KIAA1549L: variants seen among roughly 807,000 people sequenced by gnomAD.
KIAA1549L encodes KIAA1549 like, also known as UPF0606 protein KIAA1549L.
In KIAA1549L, 88 loss-of-function variants were observed where a neutral mutation model predicts 160.7. That is an observed-to-expected ratio of 0.55 (90% CI 0.46 to 0.65). The LOEUF is 0.65. Among genes scored for constraint, KIAA1549L ranks in the 30% least tolerant of loss-of-function variants. The probability of loss-of-function intolerance (pLI) is 0.00; values close to 1 mark genes in which losing one functional copy is unlikely to be tolerated. For synonymous variants in KIAA1549L, 950 were observed against 976.7 expected (o/e 0.97, Z 0.51); for missense variants, 2,258 against 2,437.5 (o/e 0.93, Z 1.55).
At chr11:33,522,768 G>T (rs866107725) in intron 1 of KIAA1549L, among the ~76,000 whole-genome samples, 1 of 152,074 alleles carries the variant, frequency 6.6e-6, no homozygotes, top group South Asian at 2.1e-4. Context: ...GCCTGGTGGC[G>T]TATGTCTGTA....
chr11:33,664,291 C>T (rs2133454533), intron 20 of KIAA1549L, among the ~76,000 whole-genome samples: 1 of 152,300 alleles, frequency 6.6e-6, no homozygotes, highest in African/African-American at 2.4e-5. Context: ...AGTGGGTCCA[C>T]CTCCAGGTGT....
intron 1 of KIAA1549L, among the ~76,000 whole-genome samples, chr11:33,427,489 A>G (rs1038564869): frequency 9.2e-5 from 14 of 152,020 alleles, no homozygotes; most frequent in African/African-American, 3.4e-4. Flanking sequence ...TCCCTTGGCC[A>G]TGCATCCCCC....
chr11:33,616,419 T>C (rs1167448774), intron 15 of KIAA1549L, among the ~76,000 whole-genome samples: 1 of 152,174 alleles, frequency 6.6e-6, no homozygotes, highest in African/African-American at 2.4e-5. Flanking sequence ...CCCATCACTG[T>C]GGCCATGGGG....
At chr11:33,596,942 A>T (rs1367129323) in intron 12 of KIAA1549L, among the ~76,000 whole-genome samples, 2 of 152,234 alleles carry the variant, frequency 1.3e-5, no homozygotes, top group African/African-American at 4.8e-5. Context: ...CCCAGCACTC[A>T]GCAATCAAAT....
Position 33,376,725 on chromosome 11 carries a change from C to T in KIAA1549L, c.74C>T (p.Pro25Leu), listed in dbSNP as rs1849960771. ...GPATRGRGGRPVARGLGRAAW... is the reference protein window; with the variant it reads ...GPATRGRGGRLVARGLGRAAW... The stretch of plus-strand genomic sequence containing the variant: ...GCGACGCGGGGGCGCGGGGGCCGGC[C>T]CGTGGCGCGTGGGCTTGGTCGGGCT... Residue 25 changes from proline (P) to leucine (L), a missense_variant, in exon 1 of 21, where the codon CCC (proline) becomes CTC (leucine). Physicochemically the swap from Pro to Leu is moderately conservative, Grantham distance 98 (BLOSUM62 -3). This residue lies in a region of KIAA1549L where 540 missense variants were observed against 465.7 expected (regional missense o/e 1.16). Coordinates refer to ENST00000658780, the MANE Select transcript of KIAA1549L (RefSeq NM_012194.3). This position sits in a 1 kb window ranked among gnomAD's most constrained non-coding sequence, Gnocchi z 5.8. The T allele has an allele frequency of 6.6e-6, 1 of 151,282 alleles. No individual in the cohort carries two copies. The highest frequency in any genetic ancestry group is 1.5e-5 in the Non-Finnish European group (1 of 67,878). The allele number at this position is 151,282 out of a possible 1,614,324, so 9.4% of individuals were successfully genotyped here.
chr11:33,635,598 G>A (rs935210441), intron 16 of KIAA1549L, among the ~76,000 whole-genome samples: 4 of 152,170 alleles, frequency 2.6e-5, no homozygotes, highest in East Asian at 1.9e-4. Flanking sequence ...TGTTCACTTC[G>A]GGGCGCCTAA....
rs1017649200 is a variant in KIAA1549L at position 33,673,284 on chromosome 11, C to T, written c.*5130C>T. On this transcript the variant is annotated 3_prime_UTR_variant, in exon 21 of 21. Coordinates refer to ENST00000658780, the MANE Select transcript of KIAA1549L (RefSeq NM_012194.3). ...TTATAAGTGAAATCTAAAAATTGAT[C>T]GTTTTCATTCTCTGACTTTGGTCAG... 2 of 152,102 alleles carry T rather than the reference C, an allele frequency of 1.3e-5. No homozygotes were observed. Among genetic ancestry groups the T allele is most frequent in the African/African-American group, 2.4e-5 (1 of 41,414 alleles). The allele number at this position is 152,102 out of a possible 1,614,324, so 9.4% of individuals were successfully genotyped here. A position where few individuals can be genotyped will look rare whatever the true frequency, so the allele number is the denominator to read the frequency against.
chr11:33,591,259 C>T lies in KIAA1549L; in HGVS notation c.4589C>T (p.Ala1530Val). Residue 1530 changes from alanine to valine, a missense_variant, in exon 12 of 21, where the codon GCC becomes GTC. Around this residue, in one of 6 missense-constraint regions of KIAA1549L, gnomAD observed 1,359 missense variants for 1,546.6 expected, o/e 0.88. Transcript: ENST00000658780. ...RAKPVQGFDYAKQHLGQQGAD... is the reference protein window; with the variant it reads ...RAKPVQGFDYVKQHLGQQGAD... Reference sequence around the variant, plus strand: ...CAGCCTGTGCAAGGCTTTGATTATGCCAAGCAACACCTGGGCCAGCAAGGG... The same window carrying T: ...CAGCCTGTGCAAGGCTTTGATTATGTCAAGCAACACCTGGGCCAGCAAGGG... The T allele has an allele frequency of 6.2e-7, 1 of 1,612,796 alleles. No homozygotes were observed. The highest frequency in any genetic ancestry group is 8.5e-7 in the Non-Finnish European group (1 of 1,179,308).
chr11:33,645,924 C>G lies in KIAA1549L; in HGVS notation c.5648C>G (p.Pro1883Arg), dbSNP rs370779771. 6.2e-6 allele frequency: 10 copies of G among 1,613,314 alleles called. No individual in the cohort carries two copies. Among genetic ancestry groups the G allele is most frequent in the Non-Finnish European group, 7.6e-6 (9 of 1,179,604 alleles). The change falls in exon 17 of 21, where the codon CCC (proline) becomes CGC (arginine). Residue 1883 changes from proline to arginine, a missense_variant. This residue lies in a region of KIAA1549L where 1,359 missense variants were observed against 1,546.6 expected (regional missense o/e 0.88). Transcript: ENST00000658780. The part of the protein sequence containing the change: ...QEAYGSAQHL[P>R]YSEVVTSAPG... Reference sequence around the variant, plus strand: ...GCCTACGGCTCAGCCCAGCACCTGCCCTATTCGGAGGTGGTGACCAGCGCT... The same window carrying G: ...GCCTACGGCTCAGCCCAGCACCTGCGCTATTCGGAGGTGGTGACCAGCGCT...
intron 1 of KIAA1549L, among the ~76,000 whole-genome samples, chr11:33,422,743 T>C (rs921112830): frequency 2.0e-5 from 3 of 151,850 alleles, no homozygotes; most frequent in Non-Finnish European, 2.9e-5. Flanking sequence ...ATATATGGCA[T>C]GTATACAATA....
rs1400944282 is a variant in KIAA1549L, at chr11:33,673,069, C to T, written c.*4915C>T. The T allele has an allele frequency of 6.6e-6, 1 of 152,138 alleles. No individual in the cohort carries two copies. The highest frequency in any genetic ancestry group is 1.5e-5 in the Non-Finnish European group (1 of 68,026). The allele number at this position is 152,138 out of a possible 1,614,324, so 9.4% of individuals were successfully genotyped here. On this transcript the variant is annotated 3_prime_UTR_variant, in exon 21 of 21. Coordinates refer to ENST00000658780, the MANE Select transcript of KIAA1549L (RefSeq NM_012194.3). Reference sequence around the variant, plus strand: ...TTCTTAGGTGAACTGTTACAGAATCCTAGCCTGTGGTAAATGCTAAAATGT... The same window carrying T: ...TTCTTAGGTGAACTGTTACAGAATCTTAGCCTGTGGTAAATGCTAAAATGT...
chr11:33,379,720 A>G (rs1850035229), intron 1 of KIAA1549L, among the ~76,000 whole-genome samples: 2 of 152,234 alleles, frequency 1.3e-5, no homozygotes, highest in South Asian at 2.1e-4. Flanking sequence ...GGGGACAACA[A>G]TAGTTCCAAT....
chr11:33,566,349 C>T (rs1034973496), intron 8 of KIAA1549L, among the ~76,000 whole-genome samples: 6 of 152,172 alleles, frequency 3.9e-5, no homozygotes, highest in Admixed American at 2.0e-4. Flanking sequence ...CTAGAGGGGC[C>T]GTCTTTGAAC....
chr11:33,654,406 G>A (rs138399198), intron 17 of KIAA1549L, among the ~76,000 whole-genome samples: 17 of 152,290 alleles, frequency 1.1e-4, no homozygotes, highest in African/African-American at 4.1e-4. Context: ...CTTTTCTGGT[G>A]TGTTCATGGT....
Position 33,542,612 on chromosome 11 carries a change from A to G in KIAA1549L, c.1049A>G (p.Glu350Gly), listed in dbSNP as rs1248120248. ...CCTGGGTTTTTGAGCCCCATGGCAG[A>G]ACTGTCCCATCCGTCTCCCCCTCCC... ...STPGFLSPMA[E>G]LSHPSPPPPA... Residue 350 changes from glutamate to glycine, a missense_variant, in exon 2 of 21, where the codon GAA becomes GGA. Coordinates refer to ENST00000658780, the MANE Select transcript of KIAA1549L (RefSeq NM_012194.3). 6.2e-7 allele frequency: 1 copy of G among 1,613,890 alleles called. No individual in the cohort carries two copies. Among genetic ancestry groups the G allele is most frequent in the Non-Finnish European group, 8.5e-7 (1 of 1,179,838 alleles).
At chr11:33,476,067 G>T (rs1380902732) in intron 1 of KIAA1549L, among the ~76,000 whole-genome samples, 1 of 152,152 alleles carries the variant, frequency 6.6e-6, no homozygotes, top group Non-Finnish European at 1.5e-5. Context: ...CACACAACTG[G>T]TCTGGGCAAT....
chr11:33,605,811 G>C (rs910785749), intron 13 of KIAA1549L, among the ~76,000 whole-genome samples: 7 of 152,152 alleles, frequency 4.6e-5, no homozygotes, highest in African/African-American at 1.7e-4. Flanking sequence ...TGCTCAATAA[G>C]CTGTCTTTCT....
chr11:33,488,883 A>G (rs1436992018), intron 1 of KIAA1549L, among the ~76,000 whole-genome samples: 2 of 152,206 alleles, frequency 1.3e-5, no homozygotes, highest in Admixed American at 6.5e-5. Flanking sequence ...TTTGCATGCA[A>G]CAGTGCTTGG....
intron 1 of KIAA1549L, among the ~76,000 whole-genome samples, chr11:33,413,943 G>A (rs1429994686): frequency 6.6e-6 from 1 of 152,108 alleles, no homozygotes; most frequent in Admixed American, 6.6e-5. Flanking sequence ...ATTAGAGCAG[G>A]GATCTGACAA....
Sources: gnomAD v4.1 joint callset for allele counts (sites outside exome capture counted in the v4.1 genomes callset) on GRCh38, gnomAD v4.1.1 for gene constraint, gnomAD v4.1.1 regional missense constraint, Gnocchi (gnomAD v3.1) non-coding constraint, MANE v1.5 for transcripts, NCBI Gene and HGNC (gene_info 2026-07-23, HGNC 2026-07-21) for gene names.